Variants in LMO2 observed in about 807,000 individuals in gnomAD.
LMO2 encodes rhombotin-2.
LMO2 carries 20 observed loss-of-function variants against 23.2 expected under a neutral mutation model. The ratio of observed to expected loss-of-function variants is 0.86; its 90% CI spans 0.61 to 1.25. The LOEUF is 1.25. Among genes scored for constraint, LMO2 ranks in the 50% most tolerant of loss-of-function variants. The pLI is 0.00. For missense variants in LMO2, 270 were observed against 315.3 expected (o/e 0.86, Z 1.09); for synonymous variants, 123 against 130.2 (o/e 0.94, Z 0.38).
intron 5 of LMO2, among the ~76,000 whole-genome samples, chr11:33,862,631 G>A (rs1301085755): frequency 1.3e-5 from 2 of 152,018 alleles, no homozygotes; most frequent in Non-Finnish European, 2.9e-5. Context: ...AAACACATTA[G>A]AGGGCCCGTT....
Position 33,869,373 on chromosome 11 carries a change from A to T in LMO2, c.221T>A (p.Ile74Asn). 8.5e-7 allele frequency: 1 copy of T among 1,171,018 alleles called. No homozygotes were observed. The allele number at this position is 1,171,018 out of a possible 1,614,324, so 72.5% of individuals were successfully genotyped here. The change falls in exon 4 of 6, where the codon ATC becomes AAC. Residue 74 changes from isoleucine to asparagine, a missense_variant. Coordinates refer to ENST00000257818, the MANE Select transcript of LMO2 (RefSeq NM_005574.4). ...TPPPSPMSSA[I>N]ERKSLDPSEE... The stretch of plus-strand genomic sequence containing the variant: ...TGAAGGGTCCAGGCTCTTCCTTTCG[A>T]TGGCCGAGGACATTGGGGAGGGAGG...
chr11:33,872,835 A>G (rs1474264200), intron 2 of LMO2, among the ~76,000 whole-genome samples: 5 of 152,166 alleles, frequency 3.3e-5, no homozygotes, highest in Admixed American at 3.3e-4. Flanking sequence ...ATCTCAGCTC[A>G]CTGCAACCTC....
At chr11:33,879,305 T>C (rs557837899) in intron 2 of LMO2, among the ~76,000 whole-genome samples, 19 of 152,072 alleles carry the variant, frequency 1.2e-4, no homozygotes, top group Non-Finnish European at 2.4e-4. Context: ...ACAAATCATA[T>C]ATCTGATAAG....
At chr11:33,891,651 A>G (rs1339666398) in intron 1 of LMO2, 144 bp downstream of exon 1, 2 of 152,212 alleles carry the variant, frequency 1.3e-5, no homozygotes, top group Non-Finnish European at 1.5e-5. Context: ...GGAACACCAC[A>G]GGGGAAGCTT....
intron 4 of LMO2, among the ~76,000 whole-genome samples, chr11:33,866,086 C>T (rs958416420): frequency 1.3e-5 from 2 of 152,176 alleles, no homozygotes; most frequent in Admixed American, 6.5e-5. Context: ...ACTTACCAGG[C>T]GACCTTGTGT....
In LMO2 at chr11:33,880,519, GGGA is replaced by G. The variant is rs2133711805; in HGVS notation, c.-272+1302_-272+1304del. The G allele has an allele frequency of 6.6e-6, 1 of 152,136 alleles. No individual in the cohort carries two copies. Among genetic ancestry groups the G allele is most frequent in the African/African-American group, 2.4e-5 (1 of 41,466 alleles). The allele number at this position is 152,136 out of a possible 1,614,324, so 9.4% of individuals were successfully genotyped here. ...GGTGGTTGCCAGGAGCTAGGGGGAG[GGGA>G]TAGTTATTGTTTAATGGACAAAACA... is the stretch of plus-strand genomic sequence containing the variant. On this transcript the variant is annotated intron_variant, in intron 2 of 5. Coordinates refer to ENST00000257818, the MANE Select transcript of LMO2 (RefSeq NM_005574.4). The surrounding 1 kb of genome is among the most constrained non-coding windows in gnomAD (Gnocchi z 4.3).
intron 2 of LMO2, chr11:33,881,419 C>T (rs1261412333): frequency 2.2e-6 from 1 of 456,548 alleles, no homozygotes; most frequent in Non-Finnish European, 4.4e-6. Flanking sequence ...GCCTCTCTAT[C>T]ACTCCAACAA....
Position 33,859,865 on chromosome 11 carries a change from G to C in LMO2, c.465-290C>G, listed in dbSNP as rs578020036. Among the ~76,000 whole-genome samples, 6 of 152,244 alleles carry C rather than the reference G, an allele frequency of 3.9e-5. No homozygotes were observed. In the South Asian group the frequency reaches 8.3e-4, roughly 21 times the overall value. On this transcript the variant is annotated intron_variant, in intron 5 of 5. Transcript: ENST00000257818. ...GCTGCCCCCTGGCTCCTCCTCTGTGGGCAAGGCTCTCAGCTGATGTGATCT... is the reference window on the plus strand; with the variant it reads ...GCTGCCCCCTGGCTCCTCCTCTGTGCGCAAGGCTCTCAGCTGATGTGATCT...
At position 33,859,052 on chromosome 11, in the gene LMO2, ATGATAGCACAGC is replaced by A. The variant is rs1244778269; in HGVS notation, c.*292_*303del. 7 of 389,954 alleles carry A rather than the reference ATGATAGCACAGC, an allele frequency of 1.8e-5. No homozygotes were observed. The highest frequency in any genetic ancestry group is 2.8e-5 in the Non-Finnish European group (6 of 211,814). The allele number at this position is 389,954 out of a possible 1,614,324, so 24.2% of individuals were successfully genotyped here. On this transcript the variant is annotated 3_prime_UTR_variant, in exon 6 of 6. Transcript: ENST00000257818. ...CTATCTGTAGATATGAAATTCCATC[ATGATAGCACAGC>A]GCCTGCTTGCCCCTAAATGTTCCTT... is the stretch of plus-strand genomic sequence containing the variant.
At chr11:33,865,641 G>A (rs941625299) in intron 4 of LMO2, among the ~76,000 whole-genome samples, 4 of 152,160 alleles carry the variant, frequency 2.6e-5, no homozygotes, top group Non-Finnish European at 4.4e-5. Context: ...AATGAAGTGG[G>A]GGCAATGATT....
intron 2 of LMO2, chr11:33,881,037 T>C: frequency 5.4e-6 from 2 of 372,352 alleles, no homozygotes; most frequent in Non-Finnish European, 1.1e-5. Flanking sequence ...AATATTCTTC[T>C]AGATATCTGC....
intron 4 of LMO2, among the ~76,000 whole-genome samples, chr11:33,868,790 C>T (rs1259167273): frequency 6.6e-6 from 1 of 152,212 alleles, no homozygotes; most frequent in Non-Finnish European, 1.5e-5. Context: ...TCTAGAAATC[C>T]CTGGAGGCCC....
At position 33,869,881 on chromosome 11, in the gene LMO2, C is replaced by T. The variant is rs1441754243; in HGVS notation, c.-165G>A. On this transcript the variant is annotated 5_prime_UTR_variant, in exon 3 of 6. Coordinates refer to ENST00000257818, the MANE Select transcript of LMO2 (RefSeq NM_005574.4). ...GCCGAGGGCAGAGAGGGGGCGGCGGCCTAGGGGCGGGGAGGGGACCGTGCG... is the reference window on the plus strand; with the variant it reads ...GCCGAGGGCAGAGAGGGGGCGGCGGTCTAGGGGCGGGGAGGGGACCGTGCG... The T allele has an allele frequency of 1.9e-6, 2 of 1,051,158 alleles. No homozygotes were observed. Among genetic ancestry groups the T allele is most frequent in the African/African-American group, 1.7e-5 (1 of 58,820 alleles). The allele number at this position is 1,051,158 out of a possible 1,614,324, so 65.1% of individuals were successfully genotyped here.
rs2133690951 is a variant in LMO2, at chr11:33,864,709, CCA to C, written c.355_356del (p.Trp119AlafsTer16). 6.2e-7 allele frequency: 1 copy of C among 1,614,090 alleles called. No homozygotes were observed. The highest frequency in any genetic ancestry group is 8.5e-7 in the Non-Finnish European group (1 of 1,180,034). On this transcript the variant is annotated frameshift_variant, in exon 5 of 6. Coordinates refer to ENST00000257818, the MANE Select transcript of LMO2 (RefSeq NM_005574.4). LOFTEE classifies it high-confidence loss of function. This position sits in a 1 kb window ranked among gnomAD's most constrained non-coding sequence, Gnocchi z 4.8. ...GGTCGCAGCTCAGGCAGTCCTCGTG[CCA>C]GTACTGGTCGATGGCCTTCAGGAAG... ...RYFLKAIDQY[W>X]HEDCLSCDLC...
chr11:33,886,755 G>A (rs1173565817), intron 1 of LMO2, among the ~76,000 whole-genome samples: 2 of 152,144 alleles, frequency 1.3e-5, no homozygotes, highest in South Asian at 4.1e-4. Flanking sequence ...CGAATGTTGG[G>A]GGGCTCCTTT....
chr11:33,888,979 G>A (rs913645882), intron 1 of LMO2, among the ~76,000 whole-genome samples: 4 of 152,188 alleles, frequency 2.6e-5, no homozygotes, highest in African/African-American at 9.7e-5. Flanking sequence ...CCAAAGCCAG[G>A]GTTCAAGTCT....
chr11:33,870,022 C>A, intron 2 of LMO2, 35 bp from the exon 3 acceptor site: 21 of 801,916 alleles, frequency 2.6e-5, no homozygotes, highest in East Asian at 8.7e-5. Context: ...AAGGAAATCA[C>A]ATTTAAAGAG....
At position 33,887,094 on chromosome 11, in the gene LMO2, T is replaced by C. The variant is rs191077144; in HGVS notation, c.-336+4701A>G. Among the ~76,000 whole-genome samples the C allele has an allele frequency of 3.8e-3, 573 of 152,360 alleles. 3 individuals carry two copies. Among genetic ancestry groups the C allele is most frequent in the Non-Finnish European group, 5.5e-3 (376 of 68,040 alleles). On this transcript the variant is annotated intron_variant, in intron 1 of 5. Coordinates refer to ENST00000257818, the MANE Select transcript of LMO2 (RefSeq NM_005574.4). ...ATCCATGACTTGGAACCTGGGACTC[T>C]TGTCAGAACTAGTAAGTGTAAAATG...
At chr11:33,860,213 A>G (rs1856519904) in intron 5 of LMO2, among the ~76,000 whole-genome samples, 1 of 152,176 alleles carries the variant, frequency 6.6e-6, no homozygotes, top group African/African-American at 2.4e-5. Context: ...GATATGGAGG[A>G]CCAACAGCAT....
Sources: allele counts gnomAD v4.1 joint callset (sites outside exome capture counted in the v4.1 genomes callset), GRCh38; gene constraint gnomAD v4.1.1; non-coding constraint Gnocchi (gnomAD v3.1); transcripts MANE v1.5; gene names NCBI Gene and HGNC (gene_info 2026-07-23, HGNC 2026-07-21).